SYNJ1: variants seen among roughly 807,000 people sequenced by gnomAD.
The protein encoded by SYNJ1 is polyphosphatidylinositol phosphatase SYNJ1.
A neutral mutation model predicts 168.2 loss-of-function variants in SYNJ1; 78 were observed. The ratio of observed to expected loss-of-function variants is 0.46; its 90% CI spans 0.39 to 0.56. The LOEUF (loss-of-function observed/expected upper bound fraction) is 0.56, where lower values mean the gene tolerates loss of function less well. SYNJ1 is among the 20% of genes least tolerant of loss of function. SYNJ1 has a pLI of 0.00. For missense variants in SYNJ1, 1,303 were observed against 1,597.6 expected (o/e 0.82, Z 3.14); for synonymous variants, 539 against 548.6 (o/e 0.98, Z 0.24).
intron 12 of SYNJ1, among the ~76,000 whole-genome samples, chr21:32,677,636 C>G (rs2041464064): frequency 6.6e-6 from 1 of 152,076 alleles, no homozygotes; most frequent in African/African-American, 2.4e-5. Context: ...AGGAAGAAAG[C>G]CTGAAGTTGA....
chr21:32,694,225 T>C lies in SYNJ1; in HGVS notation c.789+3A>G. On this transcript the variant is annotated splice_donor_region_variant and intron_variant, in intron 6 of 32. Coordinates refer to ENST00000674351, the MANE Select transcript of SYNJ1 (RefSeq NM_203446.3). The stretch of plus-strand genomic sequence containing the variant: ...CAAAAATAACTGAATGTCAAACACA[T>C]ACTTGCAACCCTGGTTGCTCCCAGA... The C allele has an allele frequency of 1.3e-6, 2 of 1,530,022 alleles. No homozygotes were observed. The highest frequency in any genetic ancestry group is 1.7e-6 in the Non-Finnish European group (2 of 1,147,326). The allele number at this position is 1,530,022 out of a possible 1,614,324, so 94.8% of individuals were successfully genotyped here. A position where few individuals can be genotyped will look rare whatever the true frequency, so the allele number is the denominator to read the frequency against.
At chr21:32,659,413 G>T (rs902971876) in intron 18 of SYNJ1, among the ~76,000 whole-genome samples, 36 of 151,980 alleles carry the variant, frequency 2.4e-4, no homozygotes, top group African/African-American at 8.0e-4. Flanking sequence ...CCCAATTTCT[G>T]CCTCCAAAGA....
chr21:32,639,568 T>C lies in SYNJ1; in HGVS notation c.3697+103A>G, dbSNP rs992439469. ...CATCACCCCTGGCTAATTTTAAGAG[T>C]TTTTAATTTTTTTACAGGCGGGTCT... On this transcript the variant is annotated intron_variant, in intron 30 of 32. Coordinates refer to ENST00000674351, the MANE Select transcript of SYNJ1 (RefSeq NM_203446.3). The C allele has an allele frequency of 4.6e-5, 42 of 910,578 alleles. No homozygotes were observed. In the Admixed American group the frequency reaches 8.3e-4, roughly 18 times the overall value. The allele number at this position is 910,578 out of a possible 1,614,324, so 56.4% of individuals were successfully genotyped here. A position where few individuals can be genotyped will look rare whatever the true frequency, so the allele number is the denominator to read the frequency against.
rs752848340 is a variant in SYNJ1 at position 32,629,466 on chromosome 21, G to C, written c.*2339C>G. The stretch of plus-strand genomic sequence containing the variant: ...TATTTTGATAACATTTGAGCATTTA[G>C]AAAAATGCTTTTTTTCTAATAGATT... On this transcript the variant is annotated 3_prime_UTR_variant, in exon 33 of 33. Transcript: ENST00000674351. 6.6e-6 allele frequency: 1 copy of C among 152,618 alleles called. No individual in the cohort carries two copies. The highest frequency in any genetic ancestry group is 1.5e-5 in the Non-Finnish European group (1 of 68,020). The allele number at this position is 152,618 out of a possible 1,614,324, so 9.5% of individuals were successfully genotyped here. A position where few individuals can be genotyped will look rare whatever the true frequency, so the allele number is the denominator to read the frequency against.
At chr21:32,650,446 G>T in intron 22 of SYNJ1, 100 bp from the exon 23 acceptor site, 1 of 934,680 alleles carries the variant, frequency 1.1e-6, no homozygotes, top group Non-Finnish European at 1.5e-6. Context: ...GGTATAGACA[G>T]TTAATTTAGT....
chr21:32,696,799 T>C (rs905511557), intron 4 of SYNJ1, among the ~76,000 whole-genome samples: 5 of 152,214 alleles, frequency 3.3e-5, no homozygotes, highest in African/African-American at 7.2e-5. Context: ...AAACCAGCTA[T>C]GACCCCAACC....
chr21:32,666,192 T>A lies in SYNJ1; in HGVS notation c.1953-57A>T. 3.2e-6 allele frequency: 5 copies of A among 1,541,436 alleles called. No individual in the cohort carries two copies. In the East Asian group the frequency reaches 1.1e-4, roughly 35 times the overall value. On this transcript the variant is annotated intron_variant, in intron 16 of 32. Coordinates refer to ENST00000674351, the MANE Select transcript of SYNJ1 (RefSeq NM_203446.3). ...TGAAATTTCAAGAGTTCCATGTGCATAGGAAATGAGGAATATACATAATCA... is the reference window on the plus strand; with the variant it reads ...TGAAATTTCAAGAGTTCCATGTGCAAAGGAAATGAGGAATATACATAATCA...
intron 13 of SYNJ1, among the ~76,000 whole-genome samples, chr21:32,674,459 T>G (rs1420968165): frequency 6.6e-6 from 1 of 152,138 alleles, no homozygotes; most frequent in Non-Finnish European, 1.5e-5. Context: ...TGTAACTGTC[T>G]CCCCTCATGA....
At chr21:32,672,543 T>C (rs1035439153) in intron 14 of SYNJ1, among the ~76,000 whole-genome samples, 1 of 152,134 alleles carries the variant, frequency 6.6e-6, no homozygotes, top group Non-Finnish European at 1.5e-5. Context: ...TTTCACCATG[T>C]TGGCGAGGCT....
intron 3 of SYNJ1, among the ~76,000 whole-genome samples, chr21:32,700,884 T>C (rs1344121973): frequency 1.3e-5 from 2 of 152,164 alleles, no homozygotes; most frequent in African/African-American, 2.4e-5. Flanking sequence ...TAACAACTTA[T>C]AAAGCAATTT....
chr21:32,637,953 A>G (rs533283191), intron 31 of SYNJ1, among the ~76,000 whole-genome samples: 1 of 152,362 alleles, frequency 6.6e-6, no homozygotes, highest in African/African-American at 2.4e-5. Context: ...ACATACCTAT[A>G]TATCTGTAAA....
chr21:32,713,236 A>G (rs2042894139), intron 2 of SYNJ1, among the ~76,000 whole-genome samples: 1 of 148,926 alleles, frequency 6.7e-6, no homozygotes, highest in Admixed American at 6.7e-5. Flanking sequence ...ATATGTCAAC[A>G]TGGATGATTT....
intron 2 of SYNJ1, among the ~76,000 whole-genome samples, chr21:32,719,470 T>C (rs1435954320): frequency 1.3e-5 from 2 of 152,160 alleles, no homozygotes; most frequent in Non-Finnish European, 2.9e-5. Flanking sequence ...TCCCAGCACT[T>C]TGGAAGGCCA....
chr21:32,722,213 T>A (rs1464942449), intron 2 of SYNJ1, among the ~76,000 whole-genome samples: 53 of 132,392 alleles, frequency 4.0e-4, no homozygotes, highest in African/African-American at 1.1e-3. Flanking sequence ...AAAATATATA[T>A]ATATATATAT....
intron 2 of SYNJ1, among the ~76,000 whole-genome samples, chr21:32,705,995 C>G (rs1293701943): frequency 6.6e-6 from 1 of 152,004 alleles, no homozygotes; most frequent in Admixed American, 6.6e-5. Flanking sequence ...TCAACAACAA[C>G]AGCAAACCAA....
Position 32,712,563 on chromosome 21 carries a change from T to G in SYNJ1, c.125-10516A>C, listed in dbSNP as rs1301794797. ...TGACATTTAAGGAAAAAAAAAAAAC[T>G]TTCATTCACGCAAGAAGTATTTATT... On this transcript the variant is annotated intron_variant, in intron 2 of 32. Transcript: ENST00000674351. 2.0e-5 allele frequency among the ~76,000 whole-genome samples: 3 copies of G among 151,846 alleles called. No homozygotes were observed. In the East Asian group the frequency reaches 5.8e-4, roughly 29 times the overall value.
intron 9 of SYNJ1, among the ~76,000 whole-genome samples, chr21:32,685,438 A>G (rs1487344793): frequency 6.7e-6 from 1 of 148,508 alleles, no homozygotes; most frequent in Non-Finnish European, 1.5e-5. Context: ...AAAAAAAAAA[A>G]AAAAAAAAAA....
At chr21:32,654,131 CTT>C (rs1257701146) in intron 21 of SYNJ1, 1 of 152,214 alleles carries the variant, frequency 6.6e-6, no homozygotes, top group African/African-American at 2.4e-5. Context: ...GTTCAGAAAT[CTT>C]TACAGATTTT....
chr21:32,716,393 C>T (rs998370396), intron 2 of SYNJ1, among the ~76,000 whole-genome samples: 1 of 152,124 alleles, frequency 6.6e-6, no homozygotes, highest in African/African-American at 2.4e-5. Context: ...TCTGAAAAGT[C>T]TTTACATCTT....
Sources: gnomAD v4.1 joint callset for allele counts (sites outside exome capture counted in the v4.1 genomes callset) on GRCh38, gnomAD v4.1.1 for gene constraint, MANE v1.5 for transcripts, NCBI Gene and HGNC (gene_info 2026-07-23, HGNC 2026-07-21) for gene names.